SUGCT: variants seen among roughly 807,000 people sequenced by gnomAD.
SUGCT encodes the protein succinyl-CoA:glutarate CoA-transferase.
SUGCT carries 41 observed loss-of-function variants against 55.0 expected under a neutral mutation model. That is an observed-to-expected ratio of 0.74 (90% CI 0.58 to 0.97). SUGCT has a LOEUF of 0.97. Ranked by LOEUF, SUGCT falls within the 50% of genes least tolerant of loss-of-function variation. The probability of loss-of-function intolerance (pLI) is 0.00; values close to 1 mark genes in which losing one functional copy is unlikely to be tolerated. For synonymous variants in SUGCT, 187 were observed against 200.4 expected (o/e 0.93, Z 0.56); for missense variants, 568 against 547.8 (o/e 1.04, Z -0.37).
intron 9 of SUGCT, among the ~76,000 whole-genome samples, chr7:40,438,449 C>T (rs759044177): frequency 6.6e-6 from 1 of 152,124 alleles, no homozygotes; most frequent in Admixed American, 6.6e-5. Context: ...AGGTTTCTCA[C>T]GATGAGCGTA....
intron 9 of SUGCT, among the ~76,000 whole-genome samples, chr7:40,351,655 TA>T (rs1797638601): frequency 6.6e-6 from 1 of 152,222 alleles, no homozygotes; most frequent in South Asian, 2.1e-4. Context: ...ATTTTGTCAA[TA>T]AAACATTTAT....
At chr7:40,923,387 C>G in the SUGCT span, among the ~76,000 whole-genome samples, 3 of 152,174 alleles carry the variant, frequency 2.0e-5, no homozygotes, top group African/African-American at 7.2e-5. Context: ...GACAAGAATT[C>G]TAGCTCACAT....
chr7:40,463,191 A>G (rs891256261), intron 11 of SUGCT, among the ~76,000 whole-genome samples: 5 of 152,152 alleles, frequency 3.3e-5, no homozygotes, highest in Non-Finnish European at 2.9e-5. Flanking sequence ...ATTTTAGAAA[A>G]TCTTTAAAAC....
At chr7:40,661,398 C>T (rs1257599153) in intron 12 of SUGCT, among the ~76,000 whole-genome samples, 1 of 152,164 alleles carries the variant, frequency 6.6e-6, no homozygotes, top group Non-Finnish European at 1.5e-5. Flanking sequence ...ACTTTTTCCT[C>T]TCTGCCAGAT....
At chr7:40,659,968 C>T (rs1801223013) in intron 12 of SUGCT, among the ~76,000 whole-genome samples, 1 of 152,126 alleles carries the variant, frequency 6.6e-6, no homozygotes, top group East Asian at 1.9e-4. Flanking sequence ...GTGTGTGAGG[C>T]CACTACATCT....
chr7:40,635,161 C>G (rs1342804697), intron 12 of SUGCT, among the ~76,000 whole-genome samples: 2 of 152,120 alleles, frequency 1.3e-5, no homozygotes, highest in Non-Finnish European at 2.9e-5. Flanking sequence ...TGGCCAGTGC[C>G]TGTAGTCCCA....
intron 12 of SUGCT, among the ~76,000 whole-genome samples, chr7:40,720,277 G>A (rs1308323699): frequency 6.6e-6 from 1 of 152,098 alleles, no homozygotes; most frequent in South Asian, 2.1e-4. Context: ...TTGTCAAAAG[G>A]CACGTAAATG....
intron 12 of SUGCT, among the ~76,000 whole-genome samples, chr7:40,602,464 T>A (rs1459004027): frequency 6.6e-6 from 1 of 152,152 alleles, no homozygotes; most frequent in Non-Finnish European, 1.5e-5. Context: ...GTCAGCTGCT[T>A]GACTGATCAC....
intron 13 of SUGCT, among the ~76,000 whole-genome samples, chr7:40,795,888 A>G (rs1790530943): frequency 6.6e-6 from 1 of 152,214 alleles, no homozygotes; most frequent in Non-Finnish European, 1.5e-5. Flanking sequence ...ATGGTCAAAC[A>G]TGCTGAGAGA....
chr7:40,332,596 A>G (rs184564077), intron 9 of SUGCT, among the ~76,000 whole-genome samples: 1 of 152,248 alleles, frequency 6.6e-6, no homozygotes, highest in African/African-American at 2.4e-5. Context: ...GAATCAAATC[A>G]GTAAGTTCAG....
At chr7:40,975,686 A>G in the SUGCT span, among the ~76,000 whole-genome samples, 1 of 152,272 alleles carries the variant, frequency 6.6e-6, no homozygotes, top group East Asian at 1.9e-4. Context: ...TTTGAAACCC[A>G]TCTTGCAGCC....
the SUGCT span, among the ~76,000 whole-genome samples, chr7:40,917,814 T>C: frequency 6.6e-6 from 1 of 152,096 alleles, no homozygotes; most frequent in Admixed American, 6.5e-5. Flanking sequence ...GGCATCCCTT[T>C]CTCCTCTCAC....
At chr7:40,173,972 G>T (rs1584254086) in intron 1 of SUGCT, among the ~76,000 whole-genome samples, 1 of 147,960 alleles carries the variant, frequency 6.8e-6, no homozygotes, top group Non-Finnish European at 1.5e-5. Flanking sequence ...ACAGGGTCTT[G>T]CTCTGTTGCT....
chr7:40,164,125 C>T (rs7787952), intron 1 of SUGCT, among the ~76,000 whole-genome samples: 57,336 of 146,250 alleles, frequency 0.39, 12,394 homozygotes, highest in Middle Eastern at 0.59. Context: ...TGACCCTTGA[C>T]TTTTTTTTTT....
chr7:40,810,797 T>C lies in SUGCT; in HGVS notation c.1154-49519T>C, dbSNP rs191602331. Among the ~76,000 whole-genome samples the C allele has an allele frequency of 1.9e-3, 283 of 152,328 alleles. 1 individual carries two copies. The highest frequency in any genetic ancestry group is 6.5e-3 in the African/African-American group (271 of 41,570). On this transcript the variant is annotated intron_variant, in intron 13 of 13. Transcript: ENST00000335693. ...TCCCACTTTTCAATTTTTGTTTGTG[T>C]TGCAATTGCTTTTGAGGACTTAATT...
In SUGCT at chr7:40,303,174, C is replaced by T. The variant is rs188115989; in HGVS notation, c.721-13586C>T. On this transcript the variant is annotated intron_variant, in intron 8 of 13. Transcript: ENST00000335693. Reference sequence around the variant, plus strand: ...TCAGCCTCCCGAGTAGCTGGGATTACAGGCGCCTGCCACCTCGCCTGGCTA... The same window carrying T: ...TCAGCCTCCCGAGTAGCTGGGATTATAGGCGCCTGCCACCTCGCCTGGCTA... 4.4e-3 allele frequency among the ~76,000 whole-genome samples: 666 copies of T among 152,072 alleles called. 1 individual carries two copies. Among genetic ancestry groups the T allele is most frequent in the African/African-American group, 0.015 (641 of 41,488 alleles).
chr7:40,235,091 A>C (rs776359997), intron 6 of SUGCT, among the ~76,000 whole-genome samples: 10 of 152,288 alleles, frequency 6.6e-5, no homozygotes, highest in Non-Finnish European at 1.3e-4. Context: ...AAGATAAAAC[A>C]TAAGCAGAGA....
intron 9 of SUGCT, among the ~76,000 whole-genome samples, chr7:40,409,877 G>A (rs1786577339): frequency 6.6e-6 from 1 of 152,036 alleles, no homozygotes; most frequent in Admixed American, 6.6e-5. Flanking sequence ...AAATTGATTA[G>A]AGTTGATCTG....
chr7:40,286,917 G>T (rs1270465403), intron 8 of SUGCT, among the ~76,000 whole-genome samples: 1 of 152,100 alleles, frequency 6.6e-6, no homozygotes, highest in African/African-American at 2.4e-5. Flanking sequence ...GTGTTGTTTT[G>T]GTGGAATGGT....
Sources: gnomAD v4.1 joint callset for allele counts (sites outside exome capture counted in the v4.1 genomes callset) on GRCh38, gnomAD v4.1.1 for gene constraint, MANE v1.5 for transcripts, NCBI Gene and HGNC (gene_info 2026-07-23, HGNC 2026-07-21) for gene names.